PALM2AKAP2: variants seen among roughly 807,000 people sequenced by gnomAD.
PALM2AKAP2 encodes the protein PALM2 and AKAP2 fusion.
PALM2AKAP2 carries 37 observed loss-of-function variants against 71.5 expected under a neutral mutation model. That is an observed-to-expected ratio of 0.52 (90% CI 0.40 to 0.68). The LOEUF (loss-of-function observed/expected upper bound fraction) is 0.68. PALM2AKAP2 is among the 30% of genes least tolerant of loss of function. The probability of loss-of-function intolerance (pLI) is 0.00; values close to 1 mark genes in which losing one functional copy is unlikely to be tolerated. For synonymous variants in PALM2AKAP2, 468 were observed against 478.8 expected, an observed-to-expected ratio of 0.98 and a Z score of 0.29; for missense variants, 1,224 against 1,191.8, an observed-to-expected ratio of 1.03 and a Z score of -0.40.
chr9:109,784,866 C>A (rs185008191), intron 1 of PALM2AKAP2, among the ~76,000 whole-genome samples: 18 of 152,290 alleles, frequency 1.2e-4, no homozygotes, highest in African/African-American at 4.3e-4. Flanking sequence ...GATTCCATTG[C>A]AATGGGAAAG....
intron 1 of PALM2AKAP2, among the ~76,000 whole-genome samples, chr9:109,754,981 C>A (rs1463279688): frequency 6.6e-6 from 1 of 152,042 alleles, no homozygotes; most frequent in Admixed American, 6.6e-5. Flanking sequence ...TTCCTCTTGC[C>A]CTATAGCCTG....
intron 6 of PALM2AKAP2, among the ~76,000 whole-genome samples, chr9:109,979,752 T>C (rs572888146): frequency 6.6e-6 from 1 of 152,326 alleles, no homozygotes; most frequent in South Asian, 2.1e-4. Flanking sequence ...TGGGGGCTTC[T>C]GATGTTATTG....
chr9:109,886,304 A>T (rs909605455), intron 3 of PALM2AKAP2, among the ~76,000 whole-genome samples: 1 of 152,154 alleles, frequency 6.6e-6, no homozygotes. Flanking sequence ...CGGAGATTGT[A>T]GGTAGTTCGA....
chr9:109,817,388 C>T (rs546421579), intron 1 of PALM2AKAP2, among the ~76,000 whole-genome samples: 2 of 152,312 alleles, frequency 1.3e-5, no homozygotes, highest in East Asian at 3.9e-4. Flanking sequence ...AAATGCACAT[C>T]ACTGTGAGTC....
chr9:109,884,256 G>A (rs1459309559), intron 3 of PALM2AKAP2, among the ~76,000 whole-genome samples: 1 of 152,194 alleles, frequency 6.6e-6, no homozygotes, highest in East Asian at 1.9e-4. Context: ...GAGGTCAGGA[G>A]TTCAAGACCA....
intron 1 of PALM2AKAP2, among the ~76,000 whole-genome samples, chr9:109,831,270 C>T (rs1828294704): frequency 6.6e-6 from 1 of 152,016 alleles, no homozygotes; most frequent in South Asian, 2.1e-4. Flanking sequence ...CTCTCTGTAG[C>T]TGAAGGTTGC....
intron 3 of PALM2AKAP2, among the ~76,000 whole-genome samples, chr9:109,897,256 G>A (rs143241671): frequency 1.3e-5 from 2 of 152,248 alleles, no homozygotes; most frequent in Admixed American, 1.3e-4. Context: ...AGTGTGAGGG[G>A]CAAATGAGTT....
At position 109,932,012 on chromosome 9, in the gene PALM2AKAP2, G is replaced by A. The variant is rs554236832; in HGVS notation, c.480G>A (p.Gly160=). 4.9e-5 allele frequency: 79 copies of A among 1,613,116 alleles called. No homozygotes were observed. The Middle Eastern group carries it at 6.6e-4, about 14-fold the overall frequency. The change falls in exon 6 of 10, where the codon GGG becomes GGA. Residue 160 remains glycine (G), a synonymous_variant. Coordinates refer to the PALM2AKAP2 transcript ENST00000302798. ...CAGAACCATCACCTGGGCAGGACGG[G>A]ACCAGCAGAGCGGCTGGTAAGTCCT...
rs576854132 is a variant in PALM2AKAP2 at position 110,136,694 on chromosome 9, C to T, written c.724C>T (p.Pro242Ser). ...GGACAGCCTGCAGGTGCCTGTCAGCCCCAGCTCCACAACCAGCTCACGGTG... is the reference window on the plus strand; with the variant it reads ...GGACAGCCTGCAGGTGCCTGTCAGCTCCAGCTCCACAACCAGCTCACGGTG... Residue 242 changes from proline (P) to serine (S), a missense_variant, in exon 2 of 4, where the codon CCC becomes TCC. By Grantham distance (74) the Pro-to-Ser change is moderately conservative (BLOSUM62 -1). Transcript: ENST00000374525. 1.4e-5 allele frequency: 22 copies of T among 1,614,134 alleles called. No homozygotes were observed. In the East Asian group the frequency reaches 4.2e-4, roughly 31 times the overall value.
At chr9:109,853,562 T>C (rs1587961164) in intron 1 of PALM2AKAP2, among the ~76,000 whole-genome samples, 1 of 152,192 alleles carries the variant, frequency 6.6e-6, no homozygotes, top group Non-Finnish European at 1.5e-5. Context: ...TACTTAAGTC[T>C]CTCTCTTTTT....
chr9:110,145,544 G>A (rs1836142825), intron 2 of PALM2AKAP2, among the ~76,000 whole-genome samples: 2 of 152,100 alleles, frequency 1.3e-5, no homozygotes, highest in African/African-American at 4.8e-5. Context: ...CATTTTTGGT[G>A]TACTAGGGTC....
chr9:109,708,350 T>C (rs959245475), intron 1 of PALM2AKAP2, among the ~76,000 whole-genome samples: 1 of 152,216 alleles, frequency 6.6e-6, no homozygotes, highest in Non-Finnish European at 1.5e-5. Flanking sequence ...ATACCCTTAA[T>C]CTGGAGGCTG....
intron 1 of PALM2AKAP2, among the ~76,000 whole-genome samples, chr9:109,800,708 C>T (rs1827403552): frequency 6.6e-6 from 1 of 152,202 alleles, no homozygotes; most frequent in Non-Finnish European, 1.5e-5. Flanking sequence ...TGTATTTACT[C>T]AAAATAGAAT....
chr9:110,136,394 A>G, exon 2 of PALM2AKAP2: 1 of 1,614,156 alleles, frequency 6.2e-7, no homozygotes, highest in South Asian at 1.1e-5. Flanking sequence ...TGCCAGAGAG[A>G]TCCGCTATCT....
chr9:109,865,365 C>T (rs1349909451), intron 1 of PALM2AKAP2, among the ~76,000 whole-genome samples: 1 of 152,130 alleles, frequency 6.6e-6, no homozygotes, highest in African/African-American at 2.4e-5. Flanking sequence ...TCCCAAAGTG[C>T]TGGGATTACA....
At chr9:109,796,510 TAATAAAGTC>T in intron 1 of PALM2AKAP2, among the ~76,000 whole-genome samples, 1 of 152,240 alleles carries the variant, frequency 6.6e-6, no homozygotes. Context: ...TTCCTACTCC[TAATAAAGTC>T]ATGGTATATT....
intron 1 of PALM2AKAP2, among the ~76,000 whole-genome samples, chr9:109,798,222 T>G (rs1225900627): frequency 6.6e-6 from 1 of 152,198 alleles, no homozygotes; most frequent in Non-Finnish European, 1.5e-5. Flanking sequence ...CCTACCCTAA[T>G]GACATAAGTT....
chr9:109,822,472 A>G (rs1410101102), intron 1 of PALM2AKAP2, among the ~76,000 whole-genome samples: 4 of 152,128 alleles, frequency 2.6e-5, no homozygotes, highest in Non-Finnish European at 5.9e-5. Flanking sequence ...TTACTTTGTC[A>G]CCCAGGTAAT....
intron 1 of PALM2AKAP2, among the ~76,000 whole-genome samples, chr9:110,106,628 C>A (rs1835127583): frequency 6.6e-6 from 1 of 152,022 alleles, no homozygotes; most frequent in African/African-American, 2.4e-5. Context: ...ATTGCAGGTA[C>A]CTTGAGAGGA....
Sources: gnomAD v4.1 joint callset for allele counts (sites outside exome capture counted in the v4.1 genomes callset) on GRCh38, gnomAD v4.1.1 for gene constraint, MANE v1.5 for transcripts, NCBI Gene and HGNC (gene_info 2026-07-23, HGNC 2026-07-21) for gene names.